CNTNAP2: variants seen among roughly 807,000 people sequenced by gnomAD.
CNTNAP2 encodes the protein contactin-associated protein-like 2.
Under a neutral mutation model 155.2 loss-of-function variants are expected in CNTNAP2, and 98 were observed. The observed-to-expected ratio is 0.63, with a 90% CI of 0.54 to 0.75. The LOEUF (loss-of-function observed/expected upper bound fraction) is 0.75. CNTNAP2 is among the 30% of genes least tolerant of loss of function. The probability of loss-of-function intolerance (pLI) is 0.00; values close to 1 mark genes in which losing one functional copy is unlikely to be tolerated. For synonymous variants in CNTNAP2, 651 were observed against 631.2 expected, an observed-to-expected ratio of 1.03 and a Z score of -0.47; for missense variants, 1,727 against 1,688.1, an observed-to-expected ratio of 1.02 and a Z score of -0.40.
chr7:146,640,933 T>C (rs1012835482), intron 1 of CNTNAP2, among the ~76,000 whole-genome samples: 1 of 152,220 alleles, frequency 6.6e-6, no homozygotes, highest in Non-Finnish European at 1.5e-5. Context: ...ACAGGGTCTA[T>C]CTATTAATGC....
intron 12 of CNTNAP2, among the ~76,000 whole-genome samples, chr7:147,636,807 A>G (rs995007343): frequency 6.6e-6 from 1 of 152,198 alleles, no homozygotes; most frequent in African/African-American, 2.4e-5. Context: ...CTTTAAAAAA[A>G]TAAAATGTGT....
At chr7:146,439,150 C>A (rs1391443349) in intron 1 of CNTNAP2, among the ~76,000 whole-genome samples, 1 of 151,488 alleles carries the variant, frequency 6.6e-6, no homozygotes, top group Non-Finnish European at 1.5e-5. Context: ...CTGGAGAGCA[C>A]ATTTCTCCCC....
intron 5 of CNTNAP2, among the ~76,000 whole-genome samples, chr7:147,118,641 CT>C (rs1801038227): frequency 6.6e-6 from 1 of 151,974 alleles, no homozygotes; most frequent in African/African-American, 2.4e-5. Context: ...CACACCTAGG[CT>C]ATATGGTAGA....
At chr7:147,359,226 A>G (rs1796109950) in intron 9 of CNTNAP2, among the ~76,000 whole-genome samples, 1 of 152,118 alleles carries the variant, frequency 6.6e-6, no homozygotes, top group African/African-American at 2.4e-5. Flanking sequence ...GCTCTATTCC[A>G]ATTACTCATA....
intron 11 of CNTNAP2, among the ~76,000 whole-genome samples, chr7:147,494,042 A>T (rs1798652547): frequency 1.3e-5 from 2 of 152,182 alleles, no homozygotes; most frequent in African/African-American, 4.8e-5. Flanking sequence ...TCTCACCAGG[A>T]CTAAAGCATT....
chr7:146,377,092 A>C (rs1795314360), intron 1 of CNTNAP2, among the ~76,000 whole-genome samples: 1 of 152,136 alleles, frequency 6.6e-6, no homozygotes, highest in Non-Finnish European at 1.5e-5. Flanking sequence ...TCATACACAC[A>C]TTGGCAATGT....
At chr7:148,015,983 T>TA (rs1486886699) in intron 15 of CNTNAP2, among the ~76,000 whole-genome samples, 1 of 152,220 alleles carries the variant, frequency 6.6e-6, no homozygotes, top group Admixed American at 6.5e-5. Flanking sequence ...AAGGGGTACT[T>TA]AGCATTTGAT....
rs1191388568 is a variant in CNTNAP2 at position 147,186,928 on chromosome 7, A to G, written c.1348+54419A>G. On this transcript the variant is annotated intron_variant, in intron 8 of 23. Transcript: ENST00000361727. ...AGTGCATATTGTTATCACCTGGCAGACTTGTTAAACTGAAGGTTGCTGAGC... is the reference window on the plus strand; with the variant it reads ...AGTGCATATTGTTATCACCTGGCAGGCTTGTTAAACTGAAGGTTGCTGAGC... Among the ~76,000 whole-genome samples the G allele has an allele frequency of 2.1e-5, 3 of 141,700 alleles. 1 individual carries two copies. Among genetic ancestry groups the G allele is most frequent in the Non-Finnish European group, 4.9e-5 (3 of 61,722 alleles). The allele number at this position is 141,700 out of a possible 152,430, so 93.0% of individuals were successfully genotyped here. A position where few individuals can be genotyped will look rare whatever the true frequency, so the allele number is the denominator to read the frequency against.
At chr7:146,223,468 A>G (rs1799241248) in intron 1 of CNTNAP2, among the ~76,000 whole-genome samples, 1 of 152,196 alleles carries the variant, frequency 6.6e-6, no homozygotes, top group Non-Finnish European at 1.5e-5. Context: ...TAGCTTCAGT[A>G]AGAGTGGACA....
intron 3 of CNTNAP2, among the ~76,000 whole-genome samples, chr7:146,859,896 T>C (rs1394760205): frequency 6.6e-6 from 1 of 151,940 alleles, no homozygotes; most frequent in African/African-American, 2.4e-5. Context: ...TAGGAAAATA[T>C]GAAAGAGAAA....
chr7:147,008,476 T>G (rs1347791956), intron 3 of CNTNAP2, among the ~76,000 whole-genome samples: 2 of 152,118 alleles, frequency 1.3e-5, no homozygotes, highest in African/African-American at 2.4e-5. Flanking sequence ...ATATTTTTCC[T>G]CTATTCATAT....
chr7:146,764,434 A>C (rs1364666905), intron 1 of CNTNAP2, among the ~76,000 whole-genome samples: 1 of 151,640 alleles, frequency 6.6e-6, no homozygotes, highest in South Asian at 2.1e-4. Flanking sequence ...TCCAGATTAC[A>C]GCTAGGGTAA....
At chr7:147,141,391 G>A (rs1360023570) in intron 8 of CNTNAP2, among the ~76,000 whole-genome samples, 2 of 152,042 alleles carry the variant, frequency 1.3e-5, no homozygotes, top group East Asian at 3.9e-4. Context: ...TTATGAGCAT[G>A]GACTCTGGAG....
intron 3 of CNTNAP2, among the ~76,000 whole-genome samples, chr7:146,907,081 G>A (rs933536631): frequency 6.8e-4 from 103 of 151,712 alleles, no homozygotes; most frequent in Non-Finnish European, 1.0e-3. Flanking sequence ...ATGAAATGAA[G>A]CGAGAAGGGA....
chr7:148,208,054 G>A (rs57768895), intron 18 of CNTNAP2, among the ~76,000 whole-genome samples: 18,697 of 150,552 alleles, frequency 0.12, 1,497 homozygotes, highest in African/African-American at 0.22. Context: ...ACGCCACTGC[G>A]CTCCAGCCTG....
chr7:147,565,458 A>G (rs1454906617), intron 12 of CNTNAP2, among the ~76,000 whole-genome samples: 1 of 152,182 alleles, frequency 6.6e-6, no homozygotes, highest in Admixed American at 6.5e-5. Context: ...GATTGCATTC[A>G]TACATCTACC....
intron 13 of CNTNAP2, among the ~76,000 whole-genome samples, chr7:147,681,460 TG>T (rs535369533): frequency 1.1e-3 from 165 of 151,942 alleles, no homozygotes; most frequent in African/African-American, 3.9e-3. Context: ...CCATGCTAGA[TG>T]GGGTTTGGTC....
At chr7:146,256,251 A>G (rs553817402) in intron 1 of CNTNAP2, among the ~76,000 whole-genome samples, 2 of 152,256 alleles carry the variant, frequency 1.3e-5, no homozygotes, top group Non-Finnish European at 2.9e-5. Flanking sequence ...TTTCTATTTC[A>G]TTAAATGTTC....
At chr7:146,675,102 A>T (rs1210289180) in intron 1 of CNTNAP2, among the ~76,000 whole-genome samples, 2 of 152,086 alleles carry the variant, frequency 1.3e-5, no homozygotes, top group East Asian at 3.9e-4. Flanking sequence ...ATTACATCTT[A>T]TTTATTTACA....
Sources: allele counts gnomAD v4.1 joint callset (sites outside exome capture counted in the v4.1 genomes callset), GRCh38; gene constraint gnomAD v4.1.1; transcripts MANE v1.5; gene names NCBI Gene and HGNC (gene_info 2026-07-23, HGNC 2026-07-21).